SYNJ2: variants seen among roughly 807,000 people sequenced by gnomAD.
The protein encoded by SYNJ2 is polyphosphatidylinositol phosphatase SYNJ2.
A neutral mutation model predicts 141.3 loss-of-function variants in SYNJ2; 116 were observed. That is an observed-to-expected ratio of 0.82 (90% CI 0.71 to 0.96). SYNJ2 has a LOEUF of 0.96. SYNJ2 is among the 40% of genes least tolerant of loss of function. The probability of loss-of-function intolerance (pLI) is 0.00; values close to 1 mark genes in which losing one functional copy is unlikely to be tolerated. For synonymous variants in SYNJ2, 745 were observed against 777.7 expected (o/e 0.96, Z 0.70); for missense variants, 1,873 against 1,934.8 (o/e 0.97, Z 0.60).
At chr6:158,058,264 G>A (rs1413663833) in intron 6 of SYNJ2, among the ~76,000 whole-genome samples, 1 of 152,140 alleles carries the variant, frequency 6.6e-6, no homozygotes, top group African/African-American at 2.4e-5. Context: ...ACCATTAAAC[G>A]ATAATTTGAC....
intron 13 of SYNJ2, among the ~76,000 whole-genome samples, chr6:158,069,140 T>C (rs1781752956): frequency 6.6e-6 from 1 of 152,134 alleles, no homozygotes; most frequent in Non-Finnish European, 1.5e-5. Context: ...ACTTTCTTCC[T>C]GCACACCAGG....
chr6:158,053,526 G>T (rs1236989740), intron 5 of SYNJ2, among the ~76,000 whole-genome samples: 1 of 148,072 alleles, frequency 6.8e-6, no homozygotes, highest in East Asian at 2.0e-4. Context: ...CCACCCACCT[G>T]CACACTGATT....
chr6:158,086,741 A>C, intron 22 of SYNJ2, 114 bp from the exon 23 acceptor site: 1 of 1,085,984 alleles, frequency 9.2e-7, no homozygotes, highest in Non-Finnish European at 1.2e-6. Context: ...CAGAGCCTTC[A>C]GCTGTCCTAC....
chr6:157,989,914 G>GGT, intron 1 of SYNJ2, among the ~76,000 whole-genome samples: 1 of 152,128 alleles, frequency 6.6e-6, no homozygotes, highest in African/African-American at 2.4e-5. Flanking sequence ...TTTCTGGGGG[G>GGT]GGCTAGGAGG....
In SYNJ2 at chr6:158,069,593, A is replaced by G. The variant is rs758322222; in HGVS notation, c.1860A>G (p.Arg620=). ...AGAAAGCCATCTCACGCTCTCATAG[A>G]TACATTCTGTTGACTTCGGCACAGC... ...QLQKAISRSH[R]YILLTSAQLV... is the part of the protein sequence containing the mutation. The change falls in exon 14 of 27, where the codon AGA becomes AGG. Residue 620 remains arginine (R), a synonymous_variant. Transcript: ENST00000355585. 21 of 1,614,066 alleles carry G rather than the reference A, an allele frequency of 1.3e-5. No homozygotes were observed. Among genetic ancestry groups the G allele is most frequent in the Non-Finnish European group, 1.8e-5 (21 of 1,179,976 alleles).
chr6:158,029,817 TATA>T (rs2128336829), intron 3 of SYNJ2, among the ~76,000 whole-genome samples: 1 of 152,292 alleles, frequency 6.6e-6, no homozygotes, highest in East Asian at 1.9e-4. Flanking sequence ...TAAAAACCTT[TATA>T]ATAATTATGC....
At chr6:158,029,657 G>A (rs780582333) in intron 3 of SYNJ2, among the ~76,000 whole-genome samples, 7 of 152,056 alleles carry the variant, frequency 4.6e-5, no homozygotes, top group Non-Finnish European at 8.8e-5. Flanking sequence ...CCCGGGTGCC[G>A]AGCTCAGTGC....
intron 5 of SYNJ2, among the ~76,000 whole-genome samples, chr6:158,048,719 C>T (rs1399528291): frequency 1.3e-5 from 2 of 152,116 alleles, no homozygotes. Context: ...TTATTGGGGT[C>T]AGACTGGGTG....
chr6:158,064,407 G>T (rs1293538987), intron 9 of SYNJ2, among the ~76,000 whole-genome samples, 194 bp from the exon 10 acceptor site: 1 of 152,168 alleles, frequency 6.6e-6, no homozygotes, highest in East Asian at 1.9e-4. Context: ...GGCTTGGGTG[G>T]ACCCTATAGA....
At chr6:158,017,890 T>C (rs1236352381) in intron 2 of SYNJ2, 3 of 447,122 alleles carry the variant, frequency 6.7e-6, no homozygotes, top group African/African-American at 4.1e-5. Context: ...TCTTCATTGC[T>C]TGCCGGCGAG....
intron 18 of SYNJ2, 31 bp from the exon 19 acceptor site, chr6:158,081,078 A>G: frequency 6.2e-7 from 1 of 1,606,604 alleles, no homozygotes; most frequent in African/African-American, 1.3e-5. Context: ...GTCCCAGGCT[A>G]ACTGTCATCC....
At chr6:158,058,143 A>G (rs1341073518) in intron 6 of SYNJ2, among the ~76,000 whole-genome samples, 1 of 152,230 alleles carries the variant, frequency 6.6e-6, no homozygotes, top group African/African-American at 2.4e-5. Context: ...AAATTTGGAA[A>G]AGAGAAAGAT....
rs1313343688 is a variant in SYNJ2, at chr6:158,040,540, A to G, written c.712-2776A>G. ...AAAGTCCCCTCAGTCTATTAAAAAA[A>G]AAAAAGGATGTAAGATAAATATTTG... is the stretch of plus-strand genomic sequence containing the variant. On this transcript the variant is annotated intron_variant, in intron 4 of 26. Transcript: ENST00000355585. This position sits in a 1 kb window ranked among gnomAD's most constrained non-coding sequence, Gnocchi z 4.2. Among the ~76,000 whole-genome samples, 2 of 152,108 alleles carry G rather than the reference A, an allele frequency of 1.3e-5. No individual in the cohort carries two copies. The highest frequency in any genetic ancestry group is 2.9e-5 in the Non-Finnish European group (2 of 68,034).
At chr6:158,064,353 G>A (rs1411190841) in intron 9 of SYNJ2, among the ~76,000 whole-genome samples, 7 of 151,978 alleles carry the variant, frequency 4.6e-5, no homozygotes, top group Non-Finnish European at 2.9e-5. Flanking sequence ...TGGGTGGGGC[G>A]GGGCGGGGTG....
At chr6:157,983,030 G>A (rs1316071748) in intron 1 of SYNJ2, among the ~76,000 whole-genome samples, 1 of 152,200 alleles carries the variant, frequency 6.6e-6, no homozygotes, top group Non-Finnish European at 1.5e-5. Flanking sequence ...ACCACTAGGC[G>A]TCCAGCTGTA....
At chr6:158,016,388 A>G (rs76855587) in intron 1 of SYNJ2, among the ~76,000 whole-genome samples, 2,753 of 152,344 alleles carry the variant, frequency 0.018, 79 homozygotes, top group African/African-American at 0.063. Flanking sequence ...TGCTGGGGTT[A>G]CAGGTTACAA....
At position 158,083,610 on chromosome 6, in the gene SYNJ2, G is replaced by T. The variant is rs1451077792; in HGVS notation, c.3034+13G>T. ...TATGAGTCAGAAGGTTAGTGACCCT[G>T]CAGGGAGGGACAGGCAAGCCGTTCT... On this transcript the variant is annotated intron_variant, in intron 21 of 26. Coordinates refer to ENST00000355585, the MANE Select transcript of SYNJ2 (RefSeq NM_003898.4). 6.2e-7 allele frequency: 1 copy of T among 1,613,672 alleles called. No individual in the cohort carries two copies. The highest frequency in any genetic ancestry group is 8.5e-7 in the Non-Finnish European group (1 of 1,179,876).
chr6:158,011,745 G>A (rs1022395633), intron 1 of SYNJ2, among the ~76,000 whole-genome samples: 2 of 152,088 alleles, frequency 1.3e-5, no homozygotes, highest in Non-Finnish European at 2.9e-5. Context: ...ACTTTGTTTA[G>A]CAATTTCCTG....
chr6:158,044,987 T>A (rs1315749730), intron 5 of SYNJ2, among the ~76,000 whole-genome samples: 1 of 152,090 alleles, frequency 6.6e-6, no homozygotes, highest in Non-Finnish European at 1.5e-5. Context: ...TCATGTAAAG[T>A]TTGTAAGAAA....
Sources: allele counts gnomAD v4.1 joint callset (sites outside exome capture counted in the v4.1 genomes callset), GRCh38; gene constraint gnomAD v4.1.1; non-coding constraint Gnocchi (gnomAD v3.1); transcripts MANE v1.5; gene names NCBI Gene and HGNC (gene_info 2026-07-23, HGNC 2026-07-21).